SVIL: variants seen among roughly 807,000 people sequenced by gnomAD.
The protein encoded by SVIL is archvillin.
SVIL carries 101 observed loss-of-function variants against 240.4 expected under a neutral mutation model. The observed-to-expected ratio is 0.42, with a 90% CI of 0.36 to 0.50. The LOEUF (loss-of-function observed/expected upper bound fraction) is 0.50. Among genes scored for constraint, SVIL ranks in the 20% least tolerant of loss-of-function variants. The pLI is 0.01. For missense variants in SVIL, 2,512 were observed against 2,818.7 expected (o/e 0.89, Z 2.46); for synonymous variants, 999 against 1,100.0 (o/e 0.91, Z 1.82).
At chr10:29,543,612 C>T (rs1017514400) in intron 6 of SVIL, among the ~76,000 whole-genome samples, 9 of 152,204 alleles carry the variant, frequency 5.9e-5, no homozygotes, top group East Asian at 1.9e-4. Flanking sequence ...TCCGGGTACA[C>T]GTGCTCTCTT....
At chr10:29,649,438 A>C (rs548342897) in intron 3 of SVIL, among the ~76,000 whole-genome samples, 1 of 152,336 alleles carries the variant, frequency 6.6e-6, no homozygotes, top group East Asian at 1.9e-4. Context: ...TTTGTTTTTT[A>C]AACCACACAC....
At chr10:29,637,987 CAT>C (rs1465137886), upstream of SVIL, among the ~76,000 whole-genome samples, 1 of 152,092 alleles carries the variant, frequency 6.6e-6, no homozygotes, top group Non-Finnish European at 1.5e-5. Flanking sequence ...AACAGGGCCA[CAT>C]GAGAGACCCC....
intron 1 of SVIL, among the ~76,000 whole-genome samples, chr10:29,589,354 T>C (rs1956297372): frequency 6.6e-6 from 1 of 151,986 alleles, no homozygotes. Context: ...TGGCCAACAG[T>C]GTGGTGGGAA....
At chr10:29,621,972 C>T (rs1388840101) in intron 1 of SVIL, among the ~76,000 whole-genome samples, 7 of 151,988 alleles carry the variant, frequency 4.6e-5, no homozygotes, top group East Asian at 1.9e-4. Context: ...AAACACTGGC[C>T]GGGCGCGGTG....
intron 16 of SVIL, among the ~76,000 whole-genome samples, chr10:29,517,373 G>A (rs72802782): frequency 0.27 from 41,251 of 151,970 alleles, 5,923 homozygotes; most frequent in Non-Finnish European, 0.33. Context: ...GCTGCAGTGA[G>A]CTATGATCGC....
At chr10:29,591,516 C>T (rs1185808067) in intron 1 of SVIL, among the ~76,000 whole-genome samples, 1 of 152,208 alleles carries the variant, frequency 6.6e-6, no homozygotes, top group Non-Finnish European at 1.5e-5. Flanking sequence ...CTCTATAAAA[C>T]CTGATGCAAT....
At chr10:29,690,039 TA>T (rs374691991) in intron 1 of SVIL, among the ~76,000 whole-genome samples, 149 of 152,032 alleles carry the variant, frequency 9.8e-4, no homozygotes, top group African/African-American at 3.4e-3. Context: ...TTTTAGTATT[TA>T]AAAATCTAAA....
intron 3 of SVIL, among the ~76,000 whole-genome samples, chr10:29,651,265 C>G (rs540686976): frequency 1.3e-5 from 2 of 152,166 alleles, no homozygotes; most frequent in Non-Finnish European, 2.9e-5. Flanking sequence ...TTCAGCAGAG[C>G]AGGTAAAGAT....
intron 2 of SVIL, among the ~76,000 whole-genome samples, chr10:29,566,576 T>C (rs1954980775): frequency 6.6e-6 from 1 of 152,236 alleles, no homozygotes; most frequent in Non-Finnish European, 1.5e-5. Context: ...CTGAACTTTC[T>C]CTACCCGAGG....
chr10:29,595,791 C>T (rs1956560531), intron 1 of SVIL, among the ~76,000 whole-genome samples: 1 of 152,144 alleles, frequency 6.6e-6, no homozygotes, highest in Non-Finnish European at 1.5e-5. Flanking sequence ...ATTGCCCTCT[C>T]CGTAGGACCC....
chr10:29,599,350 G>A (rs953198252), intron 1 of SVIL, among the ~76,000 whole-genome samples: 1 of 151,976 alleles, frequency 6.6e-6, no homozygotes, highest in African/African-American at 2.4e-5. Context: ...ATTCAACATC[G>A]TGAGAATGTT....
intron 17 of SVIL, among the ~76,000 whole-genome samples, chr10:29,501,487 G>A (rs1948892418): frequency 6.6e-6 from 1 of 150,478 alleles, no homozygotes; most frequent in Non-Finnish European, 1.5e-5. Context: ...GAGAGTGAAG[G>A]AGGGGGGCCA....
intron 16 of SVIL, among the ~76,000 whole-genome samples, 158 bp from the exon 17 acceptor site, chr10:29,513,019 T>C (rs565436047): frequency 1.3e-5 from 2 of 152,360 alleles, no homozygotes; most frequent in East Asian, 3.9e-4. Flanking sequence ...ACAGCATGTC[T>C]GGAAAAATAA....
In SVIL at chr10:29,531,993, C is replaced by T. The variant is rs369564384; in HGVS notation, c.2009+9G>A. 1.2e-5 allele frequency: 20 copies of T among 1,613,882 alleles called. No homozygotes were observed. The African/African-American group carries it at 2.4e-4, about 19-fold the overall frequency. On this transcript the variant is annotated intron_variant, in intron 9 of 37. Coordinates refer to ENST00000355867, the MANE Select transcript of SVIL (RefSeq NM_021738.3). ...CCTGGATGAGGAAACTGCGCATACGCATGCCTACCTATCCGATTCCTTTCG... is the reference window on the plus strand; with the variant it reads ...CCTGGATGAGGAAACTGCGCATACGTATGCCTACCTATCCGATTCCTTTCG...
chr10:29,473,449 C>A (rs771688245), intron 30 of SVIL: 1 of 233,516 alleles, frequency 4.3e-6, no homozygotes, highest in Non-Finnish European at 8.3e-6. Context: ...CCTACCGAGG[C>A]CTTGCCAGCT....
chr10:29,671,990 G>A (rs988567363), intron 2 of SVIL, among the ~76,000 whole-genome samples: 1 of 152,242 alleles, frequency 6.6e-6, no homozygotes, highest in African/African-American at 2.4e-5. Flanking sequence ...AATACATTCT[G>A]AAACTGTCAC....
chr10:29,562,776 A>G (rs867559107), intron 3 of SVIL, among the ~76,000 whole-genome samples: 2,181 of 134,826 alleles, frequency 0.016, 89 homozygotes, highest in African/African-American at 0.054. Context: ...AAAGAAAAAA[A>G]AAAAAAAAAA....
intron 1 of SVIL, among the ~76,000 whole-genome samples, chr10:29,727,849 C>G (rs112627224): frequency 0.015 from 2,260 of 152,184 alleles, 53 homozygotes; most frequent in African/African-American, 0.05. Flanking sequence ...CAGTGCTAGA[C>G]CCCCTGGCTG....
intron 2 of SVIL, among the ~76,000 whole-genome samples, chr10:29,679,761 T>C (rs1960486463): frequency 6.6e-6 from 1 of 151,946 alleles, no homozygotes; most frequent in African/African-American, 2.4e-5. Context: ...TGGGTGGCAC[T>C]GCTAGAGGTC....
Sources: gnomAD v4.1 joint callset for allele counts (sites outside exome capture counted in the v4.1 genomes callset) on GRCh38, gnomAD v4.1.1 for gene constraint, MANE v1.5 for transcripts, NCBI Gene and HGNC (gene_info 2026-07-23, HGNC 2026-07-21) for gene names.